PCDHGA9: variants seen among roughly 807,000 people sequenced by gnomAD.
PCDHGA9 encodes protocadherin gamma subfamily A, 9, also known as protocadherin gamma-A9.
A neutral mutation model predicts 62.5 loss-of-function variants in PCDHGA9; 37 were observed. The observed-to-expected ratio is 0.59, with a 90% CI of 0.46 to 0.78. The LOEUF (loss-of-function observed/expected upper bound fraction) is 0.78. Ranked by LOEUF, PCDHGA9 falls within the 30% of genes least tolerant of loss-of-function variation. The pLI, the probability that PCDHGA9 is intolerant of heterozygous loss-of-function variation, is 0.00. For missense variants in PCDHGA9, 1,138 were observed against 1,166.2 expected, an observed-to-expected ratio of 0.98 and a Z score of 0.35; for synonymous variants, 459 against 484.6, an observed-to-expected ratio of 0.95 and a Z score of 0.69.
chr5:141,419,756 G>C (rs1006926516), intron 1 of PCDHGA9: 10 of 1,613,890 alleles, frequency 6.2e-6, no homozygotes, highest in Admixed American at 1.7e-5. Flanking sequence ...GCGTGCTTTG[G>C]GTGACAAGGA....
chr5:141,509,621 C>T (rs1179988828), intron 3 of PCDHGA9, among the ~76,000 whole-genome samples: 1 of 152,178 alleles, frequency 6.6e-6, no homozygotes, highest in African/African-American at 2.4e-5. Flanking sequence ...AAACAAGTTC[C>T]TGGGTGATGC....
chr5:141,478,637 G>A (rs1227108157), intron 1 of PCDHGA9: 2 of 1,552,684 alleles, frequency 1.3e-6, no homozygotes, highest in Non-Finnish European at 1.7e-6. Context: ...TTTTAGTGAT[G>A]AAGATGTTTT....
chr5:141,460,951 G>GTA (rs200454978), intron 1 of PCDHGA9, among the ~76,000 whole-genome samples: 2,366 of 139,742 alleles, frequency 0.017, 20 homozygotes, highest in Middle Eastern at 0.037. Flanking sequence ...TATGTATTAT[G>GTA]TATATATATA....
In PCDHGA9 at chr5:141,434,333, G is replaced by A. The variant is rs200059384; in HGVS notation, c.2424+28957G>A. On this transcript the variant is annotated intron_variant, in intron 1 of 3. Coordinates refer to ENST00000573521, the MANE Select transcript of PCDHGA9 (RefSeq NM_018921.3). The stretch of plus-strand genomic sequence containing the variant: ...TCTTCCTCTTGCTGCTTGTCTCTTT[G>A]TGTCGGGAACAGGCCCCCCAAAATC... Among the ~76,000 whole-genome samples, 23 of 152,220 alleles carry A rather than the reference G, an allele frequency of 1.5e-4. No individual in the cohort carries two copies. In the East Asian group the frequency reaches 4.3e-3, roughly 28 times the overall value.
intron 1 of PCDHGA9, among the ~76,000 whole-genome samples, chr5:141,466,036 G>C (rs981390655): frequency 1.3e-5 from 2 of 152,064 alleles, no homozygotes; most frequent in Non-Finnish European, 2.9e-5. Context: ...GCAGGAGAAC[G>C]GCATGAACCC....
chr5:141,472,307 C>T (rs949288194), intron 1 of PCDHGA9, among the ~76,000 whole-genome samples: 2 of 150,368 alleles, frequency 1.3e-5, no homozygotes, highest in Admixed American at 6.6e-5. Flanking sequence ...TTTGGGAAGC[C>T]GAGGCAGGCA....
chr5:141,497,739 A>G (rs1180122239), intron 2 of PCDHGA9, among the ~76,000 whole-genome samples: 1 of 152,118 alleles, frequency 6.6e-6, no homozygotes, highest in Admixed American at 6.6e-5. Flanking sequence ...GGGTTTCGCC[A>G]CGTTGGCCAG....
intron 2 of PCDHGA9, among the ~76,000 whole-genome samples, chr5:141,500,216 ATTT>A (rs979396489): frequency 3.1e-4 from 46 of 149,244 alleles, no homozygotes; most frequent in Non-Finnish European, 6.7e-4. Context: ...TTATTTATTT[ATTT>A]ATTTATTGAT....
At chr5:141,414,570 C>T in intron 1 of PCDHGA9, 1 of 1,613,980 alleles carries the variant, frequency 6.2e-7, no homozygotes. Context: ...TTACCTATAT[C>T]CCAGAGAACA....
intron 3 of PCDHGA9, among the ~76,000 whole-genome samples, chr5:141,509,336 GC>G (rs2099876304): frequency 6.6e-6 from 1 of 152,178 alleles, no homozygotes; most frequent in Non-Finnish European, 1.5e-5. Context: ...TGCCAGCTGG[GC>G]CTGGGCTGGC....
rs1189942027 is a variant in PCDHGA9, at chr5:141,403,876, T to A, written c.924T>A (p.Asp308Glu). 3 of 1,613,702 alleles carry A rather than the reference T, an allele frequency of 1.9e-6. No homozygotes were observed. The highest frequency in any genetic ancestry group is 1.3e-5 in the African/African-American group (1 of 74,890). ...TGEISTAKSL[D>E]YEECSFYEME... ...AAATATCAACAGCAAAAAGTCTAGA[T>A]TATGAAGAATGTTCATTTTATGAAA... The change falls in exon 1 of 4, where the codon GAT (aspartate) becomes GAA (glutamate). Residue 308 changes from aspartate to glutamate, a missense_variant. Transcript: ENST00000573521.
intron 1 of PCDHGA9, 82 bp downstream of exon 1, chr5:141,405,458 T>C (rs2094670240): frequency 2.4e-6 from 3 of 1,231,152 alleles, no homozygotes; most frequent in Non-Finnish European, 2.3e-6. Flanking sequence ...CTTACTCTGT[T>C]ACCCAGGCTG....
intron 1 of PCDHGA9, among the ~76,000 whole-genome samples, chr5:141,481,037 G>A (rs1438691746): frequency 2.0e-5 from 3 of 152,050 alleles, no homozygotes; most frequent in East Asian, 3.9e-4. Context: ...CAGCCTGGGC[G>A]ACAGAGCGAG....
At chr5:141,481,844 G>A (rs552753850) in intron 1 of PCDHGA9, among the ~76,000 whole-genome samples, 7 of 151,350 alleles carry the variant, frequency 4.6e-5, no homozygotes, top group Admixed American at 1.3e-4. Context: ...TCGCTTGATG[G>A]TGGAGGTTGC....
intron 2 of PCDHGA9, among the ~76,000 whole-genome samples, chr5:141,498,601 G>A (rs2099784606): frequency 6.6e-6 from 1 of 152,126 alleles, no homozygotes; most frequent in African/African-American, 2.4e-5. Flanking sequence ...CTTGGTTCAA[G>A]TTCAAGTCAG....
chr5:141,410,246 TCTGACCCCCAGG>T (rs2095371499), intron 1 of PCDHGA9: 2 of 1,614,004 alleles, frequency 1.2e-6, no homozygotes, highest in Admixed American at 3.3e-5. Flanking sequence ...CCCTGTACTC[TCTGACCCCCAGG>T]CTGAACTGCA....
At chr5:141,480,715 G>A (rs906358826) in intron 1 of PCDHGA9, among the ~76,000 whole-genome samples, 1 of 152,124 alleles carries the variant, frequency 6.6e-6, no homozygotes, top group African/African-American at 2.4e-5. Flanking sequence ...ACAAATGAAA[G>A]CACAGTCTCT....
chr5:141,425,490 G>T (rs2096878933), intron 1 of PCDHGA9, among the ~76,000 whole-genome samples: 1 of 152,122 alleles, frequency 6.6e-6, no homozygotes, highest in Non-Finnish European at 1.5e-5. Context: ...AACCTACTAG[G>T]CTATACCTTT....
At chr5:141,456,873 G>A (rs2098894054) in intron 1 of PCDHGA9, among the ~76,000 whole-genome samples, 1 of 152,152 alleles carries the variant, frequency 6.6e-6, no homozygotes, top group Non-Finnish European at 1.5e-5. Context: ...TGAGGCAGGA[G>A]AATCGCTTGA....
Sources: allele counts gnomAD v4.1 joint callset (sites outside exome capture counted in the v4.1 genomes callset), GRCh38; gene constraint gnomAD v4.1.1; transcripts MANE v1.5; gene names NCBI Gene and HGNC (gene_info 2026-07-23, HGNC 2026-07-21).